PCDH9: variants seen among roughly 807,000 people sequenced by gnomAD.
PCDH9 encodes protocadherin-9.
A neutral mutation model predicts 70.6 loss-of-function variants in PCDH9; 24 were observed. The ratio of observed to expected loss-of-function variants is 0.34; its 90% CI spans 0.25 to 0.48. The LOEUF (loss-of-function observed/expected upper bound fraction) is 0.48, where lower values mean the gene tolerates loss of function less well. Ranked by LOEUF, PCDH9 falls within the 20% of genes least tolerant of loss-of-function variation. PCDH9 has a pLI of 0.99. For synonymous variants in PCDH9, 562 were observed against 558.5 expected (o/e 1.01, Z -0.09); for missense variants, 1,281 against 1,503.6 (o/e 0.85, Z 2.45).
intron 2 of PCDH9, among the ~76,000 whole-genome samples, chr13:67,147,094 C>G (rs755549554): frequency 7.9e-5 from 12 of 152,160 alleles, no homozygotes; most frequent in Non-Finnish European, 1.5e-4. Context: ...CTCTGCTCCC[C>G]TCATGTAGCC....
chr13:66,324,092 T>A (rs1955800044), intron 4 of PCDH9, among the ~76,000 whole-genome samples: 1 of 152,006 alleles, frequency 6.6e-6, no homozygotes, highest in Admixed American at 6.6e-5. Flanking sequence ...CTTCTTTTAC[T>A]TTTTCTAAAG....
intron 4 of PCDH9, among the ~76,000 whole-genome samples, chr13:66,585,016 G>A (rs971236305): frequency 6.6e-6 from 1 of 152,028 alleles, no homozygotes; most frequent in Non-Finnish European, 1.5e-5. Context: ...GAAAAACAAA[G>A]GCATATGATT....
At chr13:66,935,975 C>T (rs2068939356) in intron 2 of PCDH9, among the ~76,000 whole-genome samples, 1 of 152,086 alleles carries the variant, frequency 6.6e-6, no homozygotes, top group South Asian at 2.1e-4. Flanking sequence ...GTCCCAGCTA[C>T]TCAGGAGGCT....
chr13:66,813,361 T>G (rs2080543354), intron 3 of PCDH9, among the ~76,000 whole-genome samples: 1 of 152,018 alleles, frequency 6.6e-6, no homozygotes, highest in Non-Finnish European at 1.5e-5. Flanking sequence ...TAATAGAGAT[T>G]ATTGCTGTAC....
chr13:67,022,935 T>G (rs1040924300), intron 2 of PCDH9, among the ~76,000 whole-genome samples: 20 of 152,246 alleles, frequency 1.3e-4, no homozygotes, highest in African/African-American at 4.6e-4. Context: ...CCCTGGATAC[T>G]GAGTGTGACA....
In PCDH9 at chr13:67,180,172, T is replaced by A. The variant is rs577309541; in HGVS notation, c.3036+45233A>T. 2.2e-4 allele frequency among the ~76,000 whole-genome samples: 34 copies of A among 152,282 alleles called. No homozygotes were observed. In the East Asian group the frequency reaches 5.8e-3, roughly 26 times the overall value. On this transcript the variant is annotated intron_variant, in intron 2 of 4. Transcript: ENST00000377865. ...TACTGAGATGCTTTTCAACTATCTG[T>A]AATATATCCTAGAAGATCAGTTTTA...
intron 4 of PCDH9, among the ~76,000 whole-genome samples, chr13:66,390,606 C>G (rs1205378249): frequency 6.6e-6 from 1 of 151,792 alleles, no homozygotes; most frequent in Non-Finnish European, 1.5e-5. Flanking sequence ...TGTGGTGGCA[C>G]AAGCCTGTAG....
chr13:67,029,208 G>A (rs762671861), intron 2 of PCDH9, among the ~76,000 whole-genome samples: 9 of 152,072 alleles, frequency 5.9e-5, no homozygotes, highest in African/African-American at 2.2e-4. Context: ...AGCAGAAAGG[G>A]GGATGGTGGT....
intron 4 of PCDH9, among the ~76,000 whole-genome samples, chr13:66,602,844 T>A (rs866668187): frequency 6.9e-6 from 1 of 145,916 alleles, no homozygotes; most frequent in African/African-American, 2.5e-5. Context: ...CCATCTTTGA[T>A]CTTTTATACT....
chr13:66,911,575 C>T lies in PCDH9; in HGVS notation c.3037-7970G>A, dbSNP rs150012645. On this transcript the variant is annotated intron_variant, in intron 2 of 4. Coordinates refer to ENST00000377865, the MANE Select transcript of PCDH9 (RefSeq NM_203487.3). The stretch of plus-strand genomic sequence containing the variant: ...TCTTTTAACCCAGTTGCTATGAGCA[C>T]GCACTGAAATAAAATTTCCTTAGAA... 2.8e-4 allele frequency among the ~76,000 whole-genome samples: 43 copies of T among 152,244 alleles called. No individual in the cohort carries two copies. In the East Asian group the frequency reaches 4.8e-3, roughly 17 times the overall value.
At chr13:66,347,423 A>G (rs182416055) in intron 4 of PCDH9, among the ~76,000 whole-genome samples, 9 of 152,294 alleles carry the variant, frequency 5.9e-5, no homozygotes, top group Admixed American at 5.9e-4. Context: ...CAAATTAGGA[A>G]CCAAAACAAA....
intron 4 of PCDH9, among the ~76,000 whole-genome samples, chr13:66,409,420 C>T (rs1254668687): frequency 6.6e-6 from 1 of 152,078 alleles, no homozygotes; most frequent in Non-Finnish European, 1.5e-5. Flanking sequence ...CCTATGAAAA[C>T]ACATTTTGCA....
At chr13:66,441,750 A>G (rs552913976) in intron 4 of PCDH9, among the ~76,000 whole-genome samples, 4 of 152,134 alleles carry the variant, frequency 2.6e-5, no homozygotes, top group African/African-American at 7.2e-5. Flanking sequence ...TATTTTAACA[A>G]TTTAGGGAAG....
chr13:66,688,961 G>A (rs2078444039), intron 3 of PCDH9, among the ~76,000 whole-genome samples: 1 of 151,968 alleles, frequency 6.6e-6, no homozygotes, highest in Admixed American at 6.6e-5. Context: ...TAGCTGTGTA[G>A]GAAAAATCTA....
intron 2 of PCDH9, among the ~76,000 whole-genome samples, chr13:66,918,684 TA>T (rs1333594263): frequency 1.3e-5 from 2 of 151,278 alleles, no homozygotes; most frequent in African/African-American, 4.8e-5. Flanking sequence ...CACTATTTTA[TA>T]TTATTATGAT....
At chr13:66,639,315 A>G (rs1320339882) in intron 3 of PCDH9, among the ~76,000 whole-genome samples, 1 of 152,192 alleles carries the variant, frequency 6.6e-6, no homozygotes, top group African/African-American at 2.4e-5. Flanking sequence ...ACATGGACTT[A>G]AACTTGGCCT....
chr13:66,684,012 C>G (rs957864612), intron 3 of PCDH9, among the ~76,000 whole-genome samples: 2 of 152,176 alleles, frequency 1.3e-5, no homozygotes, highest in Non-Finnish European at 2.9e-5. Context: ...AGAGCATACA[C>G]TTCCAGGGAG....
intron 3 of PCDH9, among the ~76,000 whole-genome samples, chr13:66,713,817 C>T (rs528897518): frequency 1.3e-5 from 2 of 151,816 alleles, no homozygotes; most frequent in East Asian, 1.9e-4. Context: ...TGAAGATAAA[C>T]ATCTTTAAGT....
At chr13:66,596,054 T>C (rs1247345442) in intron 4 of PCDH9, among the ~76,000 whole-genome samples, 2 of 151,662 alleles carry the variant, frequency 1.3e-5, no homozygotes, top group African/African-American at 4.8e-5. Context: ...AACAATAATT[T>C]GTGATAAATC....
Sources: gnomAD v4.1 joint callset for allele counts (sites outside exome capture counted in the v4.1 genomes callset) on GRCh38, gnomAD v4.1.1 for gene constraint, MANE v1.5 for transcripts, NCBI Gene and HGNC (gene_info 2026-07-23, HGNC 2026-07-21) for gene names.